DMTN: variants seen among roughly 807,000 people sequenced by gnomAD.
The protein encoded by DMTN is dematin actin binding protein.
Under a neutral mutation model 59.4 loss-of-function variants are expected in DMTN, and 27 were observed. The ratio of observed to expected loss-of-function variants is 0.45; its 90% CI spans 0.33 to 0.63. DMTN has a LOEUF of 0.63. Ranked by LOEUF, DMTN falls within the 20% of genes least tolerant of loss-of-function variation. The probability of loss-of-function intolerance (pLI) is 0.02; values close to 1 mark genes in which losing one functional copy is unlikely to be tolerated. For synonymous variants in DMTN, 221 were observed against 203.7 expected (o/e 1.08, Z -0.72); for missense variants, 451 against 528.9 (o/e 0.85, Z 1.45).
Position 22,066,842 on chromosome 8 carries a change from C to T in DMTN, c.-34C>T. The T allele has an allele frequency of 7.1e-7, 1 of 1,417,118 alleles. No homozygotes were observed. Among genetic ancestry groups the T allele is most frequent in the Non-Finnish European group, 9.2e-7 (1 of 1,082,838 alleles). 87.8% of individuals were successfully genotyped at this position (1,417,118 alleles called of 1,614,324 possible). On this transcript the variant is annotated 5_prime_UTR_variant, in exon 2 of 16. Coordinates refer to ENST00000358242, the MANE Select transcript of DMTN (RefSeq NM_001387751.1). ...GTCCTCTCCCCTCGCGCACAGGGCT[C>T]TGCGAGTGACCCGGCGGGCGAGCTC... is the stretch of plus-strand genomic sequence containing the variant.
chr8:22,079,301 T>TATATATA (rs199745360), intron 10 of DMTN, among the ~76,000 whole-genome samples: 16 of 84,854 alleles, frequency 1.9e-4, no homozygotes, highest in African/African-American at 4.1e-4. Flanking sequence ...TATATATATA[T>TATATATA]TAGCTGGGTT....
chr8:22,075,211 T>A (rs1586103538), intron 10 of DMTN, among the ~76,000 whole-genome samples: 1 of 147,708 alleles, frequency 6.8e-6, no homozygotes, highest in East Asian at 2.0e-4. Context: ...GAAAAAAGCC[T>A]AAGAGGAAAC....
At chr8:22,078,471 G>C (rs189629530) in intron 10 of DMTN, among the ~76,000 whole-genome samples, 2 of 139,874 alleles carry the variant, frequency 1.4e-5, no homozygotes, top group South Asian at 2.3e-4. Flanking sequence ...TCATAGTTTT[G>C]AATCTATGGA....
intron 12 of DMTN, 52 bp from the exon 13 acceptor site, chr8:22,080,566 T>C (rs374120367): frequency 2.5e-6 from 4 of 1,613,236 alleles, no homozygotes; most frequent in Non-Finnish European, 2.5e-6. Flanking sequence ...TCAGGCGTGT[T>C]GGCCTGCTGA....
chr8:22,054,125 G>GACACACACACACACACACACAC (rs1161364821), upstream of DMTN, among the ~76,000 whole-genome samples: 19 of 119,988 alleles, frequency 1.6e-4, no homozygotes, highest in South Asian at 3.4e-3. Flanking sequence ...CACACACACA[G>GACACACACACACACACACACAC]ACACACACAC....
intron 10 of DMTN, among the ~76,000 whole-genome samples, chr8:22,076,306 G>A (rs1395028442): frequency 6.6e-6 from 1 of 151,576 alleles, no homozygotes; most frequent in African/African-American, 2.4e-5. Context: ...AGGGAAGGGT[G>A]CCTAGGGCTT....
chr8:22,077,695 C>T (rs533617653), intron 10 of DMTN, among the ~76,000 whole-genome samples: 61 of 152,224 alleles, frequency 4.0e-4, no homozygotes, highest in African/African-American at 1.4e-3. Flanking sequence ...TCATCTTTGG[C>T]GTCCCTGAAC....
At chr8:22,057,435 A>G (rs1325232258) in intron 1 of DMTN, among the ~76,000 whole-genome samples, 1 of 151,692 alleles carries the variant, frequency 6.6e-6, no homozygotes, top group African/African-American at 2.4e-5. Flanking sequence ...CAGCAATGGA[A>G]GGGATGGACT....
At chr8:22,080,283 G>A in intron 11 of DMTN, 39 bp downstream of exon 11, 1 of 1,614,034 alleles carries the variant, frequency 6.2e-7, no homozygotes, top group African/African-American at 1.3e-5. Flanking sequence ...TACGTGGGAG[G>A]AACGTGCATG....
chr8:22,080,575 G>C, intron 12 of DMTN, 43 bp from the exon 13 acceptor site: 1 of 1,612,806 alleles, frequency 6.2e-7, no homozygotes, highest in East Asian at 2.2e-5. Context: ...TTGGCCTGCT[G>C]ACCTCAGAGC....
chr8:22,078,419 A>T (rs1447339048), intron 10 of DMTN, among the ~76,000 whole-genome samples: 1 of 149,234 alleles, frequency 6.7e-6, no homozygotes, highest in Non-Finnish European at 1.5e-5. Context: ...ATATGTATAT[A>T]TGTGAATATA....
intron 5 of DMTN, 179 bp downstream of exon 5, chr8:22,069,239 T>C: frequency 1.1e-6 from 1 of 885,472 alleles, no homozygotes; most frequent in Non-Finnish European, 1.7e-6. Context: ...ACCTCAACCC[T>C]TTCTCCCTGG....
In DMTN at chr8:22,070,870, T is replaced by C. The variant is rs553572741; in HGVS notation, c.604+536T>C. 1.8e-4 allele frequency among the ~76,000 whole-genome samples: 28 copies of C among 152,218 alleles called. No homozygotes were observed. In the South Asian group the frequency reaches 5.8e-3, roughly 32 times the overall value. ...ATGGTCCATCATCCCACTCTCTACA[T>C]CCATGCGTACACACTATTAAGCTCC... On this transcript the variant is annotated intron_variant, in intron 8 of 15. Transcript: ENST00000358242.
Position 22,080,827 on chromosome 8 carries a change from G to A in DMTN, c.980G>A (p.Arg327Lys), listed in dbSNP as rs772817963. The change falls in exon 14 of 16, where the codon AGG becomes AAG. Residue 327 changes from arginine to lysine, a missense_variant. Transcript: ENST00000358242. ...GLQNGEGQRG[R>K]MDRGNSLPCV... Reference sequence around the variant, plus strand: ...CAGAACGGAGAGGGCCAGAGGGGGAGGATGGACCGGGGGAACTCCCTGCCC... The same window carrying A: ...CAGAACGGAGAGGGCCAGAGGGGGAAGATGGACCGGGGGAACTCCCTGCCC... The A allele has an allele frequency of 6.2e-6, 10 of 1,600,646 alleles. No individual in the cohort carries two copies. The African/African-American group carries it at 1.3e-4, about 21-fold the overall frequency.
At chr8:22,062,482 G>C (rs984881545) in intron 1 of DMTN, among the ~76,000 whole-genome samples, 1 of 152,120 alleles carries the variant, frequency 6.6e-6, no homozygotes, top group Non-Finnish European at 1.5e-5. Flanking sequence ...CTGCCGTCTT[G>C]CTCCACCCAC....
intron 9 of DMTN, among the ~76,000 whole-genome samples, chr8:22,073,264 C>A (rs1042054018): frequency 2.0e-5 from 3 of 152,204 alleles, no homozygotes; most frequent in Non-Finnish European, 4.4e-5. Context: ...AGGGCACAAA[C>A]CAGCCACTTG....
At chr8:22,075,310 C>T (rs199946946) in intron 10 of DMTN, among the ~76,000 whole-genome samples, 6 of 130,196 alleles carry the variant, frequency 4.6e-5, no homozygotes, top group African/African-American at 1.2e-4. Flanking sequence ...CTCCTCCTCC[C>T]CCTCCCCCTT....
chr8:22,059,803 C>T (rs1046695500), intron 1 of DMTN, among the ~76,000 whole-genome samples: 4 of 152,176 alleles, frequency 2.6e-5, no homozygotes, highest in East Asian at 1.9e-4. Context: ...CCCTCCACCC[C>T]GAAGTTGCCA....
chr8:22,080,522 C>G (rs763870915), intron 12 of DMTN, 62 bp downstream of exon 12: 1 of 1,613,962 alleles, frequency 6.2e-7, no homozygotes, highest in East Asian at 2.2e-5. Flanking sequence ...CCTGGGCAGC[C>G]GGGGTCTGGG....
Sources: allele counts gnomAD v4.1 joint callset (sites outside exome capture counted in the v4.1 genomes callset), GRCh38; gene constraint gnomAD v4.1.1; transcripts MANE v1.5; gene names NCBI Gene and HGNC (gene_info 2026-07-23, HGNC 2026-07-21).